The following TMEM273 variants were observed in gnomAD, a reference collection of about 807,000 sequenced individuals.
The protein encoded by TMEM273 is chromosome 10 open reading frame 128.
TMEM273 carries 19 observed loss-of-function variants against 17.9 expected under a neutral mutation model. That is an observed-to-expected ratio of 1.06 (90% CI 0.74 to 1.55). TMEM273 has a LOEUF of 1.55. Among genes scored for constraint, TMEM273 ranks in the 40% most tolerant of loss-of-function variants. TMEM273 has a pLI of 0.00. For missense variants in TMEM273, 194 were observed against 155.6 expected, an observed-to-expected ratio of 1.25 and a Z score of -1.31; for synonymous variants, 66 against 62.0, an observed-to-expected ratio of 1.07 and a Z score of -0.31.
At chr10:49,171,399 C>A (rs117824293) in intron 1 of TMEM273, among the ~76,000 whole-genome samples, 5,370 of 152,304 alleles carry the variant, frequency 0.035, 192 homozygotes, top group Non-Finnish European at 0.039. Context: ...TGCTGAGATG[C>A]GGGGGCTTTC....
intron 1 of TMEM273, among the ~76,000 whole-genome samples, chr10:49,182,367 C>T (rs577185702): frequency 1.3e-5 from 2 of 152,088 alleles, no homozygotes; most frequent in Non-Finnish European, 2.9e-5. Flanking sequence ...ATTTAATTCT[C>T]TTTACCCGGG....
chr10:49,181,753 G>A (rs1824829347), intron 1 of TMEM273, among the ~76,000 whole-genome samples: 1 of 152,130 alleles, frequency 6.6e-6, no homozygotes, highest in South Asian at 2.1e-4. Context: ...GTAAATTTTA[G>A]GGGGAAATCT....
intron 1 of TMEM273, among the ~76,000 whole-genome samples, chr10:49,183,861 G>A (rs1010720401): frequency 2.0e-5 from 3 of 151,936 alleles, no homozygotes; most frequent in African/African-American, 4.8e-5. Context: ...GTAAGAGGAA[G>A]TGAATTAAGG....
At chr10:49,168,532 A>T (rs1203536136) in intron 1 of TMEM273, among the ~76,000 whole-genome samples, 1 of 152,084 alleles carries the variant, frequency 6.6e-6, no homozygotes, top group Non-Finnish European at 1.5e-5. Flanking sequence ...CCATCCTAAA[A>T]GCTTCTCACA....
intron 6 of TMEM273, chr10:49,161,327 A>T (rs2725181): frequency 0.26 from 140,521 of 536,172 alleles, 19,589 homozygotes; most frequent in Admixed American, 0.35. Context: ...AATGAAAAAA[A>T]GTTTACCTAT....
chr10:49,168,018 C>A, intron 1 of TMEM273, 56 bp from the exon 2 acceptor site: 1 of 1,607,156 alleles, frequency 6.2e-7, no homozygotes, highest in South Asian at 1.1e-5. Flanking sequence ...GTGGTCCCAG[C>A]TACCCAGTCT....
At chr10:49,168,774 C>T (rs1846366955) in intron 1 of TMEM273, among the ~76,000 whole-genome samples, 1 of 151,994 alleles carries the variant, frequency 6.6e-6, no homozygotes, top group African/African-American at 2.4e-5. Flanking sequence ...AGGGTCCCTC[C>T]CTCTTCTAGC....
At chr10:49,169,035 A>G (rs1447812106) in intron 1 of TMEM273, among the ~76,000 whole-genome samples, 1 of 152,204 alleles carries the variant, frequency 6.6e-6, no homozygotes, top group Non-Finnish European at 1.5e-5. Context: ...TTTGCCCAAG[A>G]GCCAAGATAA....
At chr10:49,157,800 T>C (rs78532259) in intron 6 of TMEM273, among the ~76,000 whole-genome samples, 1 of 152,384 alleles carries the variant, frequency 6.6e-6, no homozygotes, top group African/African-American at 2.4e-5. Context: ...TGCACACTTT[T>C]TCCACTATTA....
chr10:49,178,305 G>A lies in TMEM273; in HGVS notation c.43+9989C>T, dbSNP rs199914002. On this transcript the variant is annotated intron_variant, in intron 1 of 6. Coordinates refer to ENST00000374153, the MANE Select transcript of TMEM273 (RefSeq NM_001288740.3). Reference sequence around the variant, plus strand: ...GCCACCTGTCCCATTCTTGCAGACTGGCTCCAGAGGCTGATGTTCCACTTC... The same window carrying A: ...GCCACCTGTCCCATTCTTGCAGACTAGCTCCAGAGGCTGATGTTCCACTTC... 1.3e-4 allele frequency: 58 copies of A among 457,016 alleles called. No individual in the cohort carries two copies. The Middle Eastern group carries it at 7.5e-3, about 59-fold the overall frequency. The allele number at this position is 457,016 out of a possible 1,614,324, so 28.3% of individuals were successfully genotyped here.
intron 1 of TMEM273, among the ~76,000 whole-genome samples, chr10:49,168,700 G>GGGAGGGAA (rs1846357088): frequency 2.5e-5 from 3 of 122,196 alleles, no homozygotes; most frequent in East Asian, 2.4e-4. Context: ...AAGGGAGGGA[G>GGGAGGGAA]GGAGGGAGGG....
chr10:49,171,640 G>A (rs1003282035), intron 1 of TMEM273, among the ~76,000 whole-genome samples: 4 of 152,248 alleles, frequency 2.6e-5, no homozygotes, highest in Admixed American at 2.0e-4. Flanking sequence ...AGATTGCTCT[G>A]TAAGTGGCTC....
chr10:49,170,394 C>A (rs894174008), intron 1 of TMEM273, among the ~76,000 whole-genome samples: 1 of 152,134 alleles, frequency 6.6e-6, no homozygotes, highest in Admixed American at 6.5e-5. Flanking sequence ...CTCCTTCTGC[C>A]CCTCTCTGTG....
chr10:49,164,735 C>T (rs186660985), intron 5 of TMEM273, among the ~76,000 whole-genome samples: 40 of 152,252 alleles, frequency 2.6e-4, no homozygotes, highest in East Asian at 1.7e-3. Flanking sequence ...TTAGTCCTTC[C>T]GCACGTAGCC....
chr10:49,161,355 C>T, intron 6 of TMEM273: 1 of 575,120 alleles, frequency 1.7e-6, no homozygotes. Flanking sequence ...AAACCATTTT[C>T]TCAGCTCTAA....
chr10:49,179,698 G>A (rs893996661), intron 1 of TMEM273, among the ~76,000 whole-genome samples: 13 of 152,220 alleles, frequency 8.5e-5, no homozygotes, highest in African/African-American at 2.9e-4. Flanking sequence ...TAACAGGGCA[G>A]TGAATTTCTG....
intron 1 of TMEM273, among the ~76,000 whole-genome samples, chr10:49,171,934 C>G (rs934814208): frequency 1.3e-5 from 2 of 152,246 alleles, no homozygotes; most frequent in Non-Finnish European, 2.9e-5. Context: ...CTTTGCCACC[C>G]TTATTTGGGC....
At chr10:49,177,949 G>A (rs529659881) in intron 1 of TMEM273, among the ~76,000 whole-genome samples, 3 of 152,276 alleles carry the variant, frequency 2.0e-5, no homozygotes, top group Non-Finnish European at 4.4e-5. Flanking sequence ...TGAGAGATGG[G>A]TGCCCTGGGG....
At chr10:49,172,006 T>A (rs1459368423) in intron 1 of TMEM273, among the ~76,000 whole-genome samples, 2 of 152,216 alleles carry the variant, frequency 1.3e-5, no homozygotes, top group Non-Finnish European at 2.9e-5. Context: ...CAGATGTCGT[T>A]CTATAAGTAT....
Sources: gnomAD v4.1 joint callset for allele counts (sites outside exome capture counted in the v4.1 genomes callset) on GRCh38, gnomAD v4.1.1 for gene constraint, MANE v1.5 for transcripts, NCBI Gene and HGNC (gene_info 2026-07-23, HGNC 2026-07-21) for gene names.